FNBP1L: variants seen among roughly 807,000 people sequenced by gnomAD.
FNBP1L encodes formin binding protein 1 like, also known as formin-binding protein 1-like.
FNBP1L carries 36 observed loss-of-function variants against 91.2 expected under a neutral mutation model. The observed-to-expected ratio is 0.39, with a 90% CI of 0.30 to 0.52. The LOEUF (loss-of-function observed/expected upper bound fraction) is 0.52, where lower values mean the gene tolerates loss of function less well. FNBP1L is among the 20% of genes least tolerant of loss of function. The pLI, the probability that FNBP1L is intolerant of heterozygous loss-of-function variation, is 0.66. For missense variants in FNBP1L, 571 were observed against 732.1 expected (o/e 0.78, Z 2.54); for synonymous variants, 242 against 237.0 (o/e 1.02, Z -0.19).
At chr1:93,490,931 A>G (rs1670070922) in intron 1 of FNBP1L, among the ~76,000 whole-genome samples, 1 of 152,040 alleles carries the variant, frequency 6.6e-6, no homozygotes, top group Admixed American at 6.6e-5. Context: ...TGATTCTTAC[A>G]TTTTATTATT....
Position 93,448,274 on chromosome 1 carries a change from G to A in FNBP1L, c.-8G>A. The A allele has an allele frequency of 3.9e-6, 6 of 1,520,142 alleles. No individual in the cohort carries two copies. The highest frequency in any genetic ancestry group is 5.3e-6 in the Non-Finnish European group (6 of 1,133,614). The allele number at this position is 1,520,142 out of a possible 1,614,324, so 94.2% of individuals were successfully genotyped here. ...AGCGGCACCGCCAGACGGCCAGAAA[G>A]TTCCGCCATGAGCTGGGGCACGGAG... On this transcript the variant is annotated 5_prime_UTR_variant, in exon 1 of 17. Transcript: ENST00000271234.
At chr1:93,453,677 C>A (rs1018326010) in intron 1 of FNBP1L, among the ~76,000 whole-genome samples, 1 of 152,086 alleles carries the variant, frequency 6.6e-6, no homozygotes, top group African/African-American at 2.4e-5. Context: ...GGGAATATAT[C>A]TATAGAATAT....
At chr1:93,516,273 T>C (rs1271518665) in intron 2 of FNBP1L, among the ~76,000 whole-genome samples, 1 of 152,184 alleles carries the variant, frequency 6.6e-6, no homozygotes, top group African/African-American at 2.4e-5. Flanking sequence ...GAAAACATCC[T>C]GGAAGGGGGC....
chr1:93,531,137 T>C (rs1079750), intron 7 of FNBP1L, among the ~76,000 whole-genome samples: 10,263 of 152,280 alleles, frequency 0.067, 400 homozygotes, highest in South Asian at 0.12. Context: ...TTAAATACTT[T>C]AAGTATTTTG....
intron 1 of FNBP1L, among the ~76,000 whole-genome samples, chr1:93,479,155 T>C (rs1425548406): frequency 6.6e-6 from 1 of 152,200 alleles, no homozygotes; most frequent in African/African-American, 2.4e-5. Context: ...ACATCACATA[T>C]CGGTAGGTCC....
At chr1:93,522,201 T>C in intron 3 of FNBP1L, 66 bp downstream of exon 3, 1 of 728,888 alleles carries the variant, frequency 1.4e-6, no homozygotes, top group Non-Finnish European at 2.0e-6. Context: ...TTTTATTATT[T>C]AGTAAGATAT....
At chr1:93,537,263 C>A (rs1191150224) in intron 10 of FNBP1L, among the ~76,000 whole-genome samples, 8 of 152,050 alleles carry the variant, frequency 5.3e-5, no homozygotes, top group Non-Finnish European at 1.2e-4. Context: ...ATTTGAAAAA[C>A]ATAGGTTCAT....
At chr1:93,494,862 G>T (rs761793284) in intron 1 of FNBP1L, among the ~76,000 whole-genome samples, 2 of 152,212 alleles carry the variant, frequency 1.3e-5, no homozygotes, top group Admixed American at 6.5e-5. Context: ...TTACATGGGA[G>T]CAGGCAAGAG....
chr1:93,461,980 A>G (rs906977908), intron 1 of FNBP1L, among the ~76,000 whole-genome samples: 3 of 152,178 alleles, frequency 2.0e-5, no homozygotes, highest in Non-Finnish European at 4.4e-5. Context: ...CTTACTTGTC[A>G]CACATCATGC....
intron 2 of FNBP1L, 24 bp from the exon 3 acceptor site, chr1:93,522,058 C>A: frequency 1.4e-6 from 2 of 1,443,876 alleles, no homozygotes; most frequent in South Asian, 1.4e-5. Flanking sequence ...TTTTAATAAA[C>A]TTTAAAAAAT....
At chr1:93,480,125 G>A (rs143683408) in intron 1 of FNBP1L, among the ~76,000 whole-genome samples, 1 of 152,208 alleles carries the variant, frequency 6.6e-6, no homozygotes, top group Non-Finnish European at 1.5e-5. Context: ...TGGTCCCTCT[G>A]TTAGGGGTCC....
chr1:93,467,322 A>T (rs1669120942), intron 1 of FNBP1L, among the ~76,000 whole-genome samples: 6 of 152,206 alleles, frequency 3.9e-5, no homozygotes, highest in Admixed American at 2.0e-4. Flanking sequence ...CGAAATTCTG[A>T]CACATTCTAT....
At chr1:93,448,624 C>T (rs1668360598) in intron 1 of FNBP1L, among the ~76,000 whole-genome samples, 1 of 152,102 alleles carries the variant, frequency 6.6e-6, no homozygotes. Context: ...CCTCCACCTT[C>T]ACTTTTCCCG....
At chr1:93,539,983 G>T (rs112854458) in intron 10 of FNBP1L, among the ~76,000 whole-genome samples, 100 of 152,206 alleles carry the variant, frequency 6.6e-4, no homozygotes, top group African/African-American at 2.1e-3. Context: ...ATAGGGAAAA[G>T]TAAAAATTTT....
chr1:93,507,095 ACACACACACACACTCTCTCTCTCTCTCT>A (rs1670651819), intron 2 of FNBP1L, among the ~76,000 whole-genome samples: 2 of 104,072 alleles, frequency 1.9e-5, no homozygotes, highest in Admixed American at 9.7e-5. Flanking sequence ...ACACACACAC[ACACACACACACACTCTCTCTCTCTCTCT>A]CTCTCTCTCT....
chr1:93,479,226 G>C (rs997934725), intron 1 of FNBP1L, among the ~76,000 whole-genome samples: 1 of 152,090 alleles, frequency 6.6e-6, no homozygotes, highest in African/African-American at 2.4e-5. Flanking sequence ...AAAGGGGAGG[G>C]GGTGTACGAA....
At chr1:93,513,717 G>T (rs1309494839) in intron 2 of FNBP1L, among the ~76,000 whole-genome samples, 1 of 152,092 alleles carries the variant, frequency 6.6e-6, no homozygotes, top group Non-Finnish European at 1.5e-5. Flanking sequence ...CAAAATTCAA[G>T]AACCCTTCAT....
intron 1 of FNBP1L, among the ~76,000 whole-genome samples, chr1:93,461,383 C>T (rs1668855732): frequency 6.6e-6 from 1 of 152,092 alleles, no homozygotes; most frequent in South Asian, 2.1e-4. Context: ...GGTGCTTAAA[C>T]AAATAGCTTG....
chr1:93,477,438 A>C (rs984385037), intron 1 of FNBP1L, among the ~76,000 whole-genome samples: 1 of 152,234 alleles, frequency 6.6e-6, no homozygotes, highest in Non-Finnish European at 1.5e-5. Flanking sequence ...GTTACCACCA[A>C]CTAAGGTTTT....
Sources: allele counts gnomAD v4.1 joint callset (sites outside exome capture counted in the v4.1 genomes callset), GRCh38; gene constraint gnomAD v4.1.1; transcripts MANE v1.5; gene names NCBI Gene and HGNC (gene_info 2026-07-23, HGNC 2026-07-21).